Variants in SDK1 observed in about 807,000 individuals in gnomAD.
The protein encoded by SDK1 is sidekick cell adhesion molecule 1.
In SDK1, 157 loss-of-function variants were observed where a neutral mutation model predicts 245.5. The observed-to-expected ratio is 0.64, with a 90% CI of 0.56 to 0.73. The LOEUF is 0.73. Ranked by LOEUF, SDK1 falls within the 30% of genes least tolerant of loss-of-function variation. SDK1 has a pLI of 0.00. For missense variants in SDK1, 3,583 were observed against 3,002.3 expected, an observed-to-expected ratio of 1.19 and a Z score of -4.52; for synonymous variants, 1,647 against 1,278.5, an observed-to-expected ratio of 1.29 and a Z score of -6.15.
intron 4 of SDK1, among the ~76,000 whole-genome samples, chr7:3,785,100 G>A (rs1047555483): frequency 6.6e-6 from 1 of 152,140 alleles, no homozygotes; most frequent in African/African-American, 2.4e-5. Flanking sequence ...AAGAAGCCAG[G>A]CACAGAAAGA....
At chr7:4,159,955 G>A (rs1781008916) in intron 31 of SDK1, among the ~76,000 whole-genome samples, 1 of 152,138 alleles carries the variant, frequency 6.6e-6, no homozygotes, top group African/African-American at 2.4e-5. Context: ...AAAGTATGCG[G>A]GAGGATGTGT....
intron 5 of SDK1, among the ~76,000 whole-genome samples, chr7:3,842,806 A>G (rs145849563): frequency 1.3e-5 from 2 of 152,116 alleles, no homozygotes; most frequent in Admixed American, 6.5e-5. Flanking sequence ...AACCCAGGCT[A>G]GGGCAGAGCT....
chr7:3,888,429 T>A (rs1781385844), intron 5 of SDK1, among the ~76,000 whole-genome samples: 1 of 152,216 alleles, frequency 6.6e-6, no homozygotes. Flanking sequence ...CTTATGCTGT[T>A]ATTAGTCCTG....
At chr7:3,307,840 C>T (rs1583662961) in intron 1 of SDK1, among the ~76,000 whole-genome samples, 1 of 141,888 alleles carries the variant, frequency 7.0e-6, no homozygotes, top group Middle Eastern at 3.5e-3. Flanking sequence ...AGGGATTAGA[C>T]TAGATGTTCA....
intron 4 of SDK1, among the ~76,000 whole-genome samples, chr7:3,807,074 A>T (rs1038953479): frequency 2.0e-5 from 3 of 152,178 alleles, no homozygotes; most frequent in Non-Finnish European, 4.4e-5. Context: ...AATGTTAAAT[A>T]AAAAGGAATT....
At position 3,538,431 on chromosome 7, in the gene SDK1, C is replaced by G. The variant is rs192924090; in HGVS notation, c.299-80649C>G. Among the ~76,000 whole-genome samples, 55 of 152,062 alleles carry G rather than the reference C, an allele frequency of 3.6e-4. No homozygotes were observed. The East Asian group carries it at 7.5e-3, about 21-fold the overall frequency. ...TCATTAATTTTGCCTTTTAATGTATCCTCTTCACTCTGAGGCAAGTTCAGA... is the reference window on the plus strand; with the variant it reads ...TCATTAATTTTGCCTTTTAATGTATGCTCTTCACTCTGAGGCAAGTTCAGA... On this transcript the variant is annotated intron_variant, in intron 1 of 44. Coordinates refer to ENST00000404826, the MANE Select transcript of SDK1 (RefSeq NM_152744.4).
rs112735477 is a variant in SDK1 at position 3,762,063 on chromosome 7, A to T, written c.714-59387A>T. 6.8e-3 allele frequency among the ~76,000 whole-genome samples: 1,031 copies of T among 152,366 alleles called. 16 individuals are homozygous for T. Among genetic ancestry groups the T allele is most frequent in the African/African-American group, 0.023 (958 of 41,600 alleles). On this transcript the variant is annotated intron_variant, in intron 4 of 44. Coordinates refer to ENST00000404826, the MANE Select transcript of SDK1 (RefSeq NM_152744.4). ...ATATCTTTAACCACAGTTAGCTACA[A>T]ATTATTTATAGAGGTTAAATAAATG...
In SDK1 at chr7:3,984,758, A is replaced by G. The variant is rs192900719; in HGVS notation, c.1995-2428A>G. ...TCACGGCCTATCTCCCATCCTGACT[A>G]TTACAGATGGTCATCTGACATTGTG... On this transcript the variant is annotated intron_variant, in intron 13 of 44. Coordinates refer to ENST00000404826, the MANE Select transcript of SDK1 (RefSeq NM_152744.4). 3.4e-4 allele frequency among the ~76,000 whole-genome samples: 51 copies of G among 152,210 alleles called. No homozygotes were observed. The Middle Eastern group carries it at 0.01, about 30-fold the overall frequency.
At chr7:3,569,526 A>G (rs977491802) in intron 1 of SDK1, among the ~76,000 whole-genome samples, 7 of 152,376 alleles carry the variant, frequency 4.6e-5, no homozygotes, top group Middle Eastern at 6.8e-3. Context: ...CAGGCCTGGC[A>G]GTATTTGGAG....
chr7:3,756,567 A>C (rs977342836), intron 4 of SDK1, among the ~76,000 whole-genome samples: 1 of 149,326 alleles, frequency 6.7e-6, no homozygotes, highest in Non-Finnish European at 1.5e-5. Flanking sequence ...TTTTTTTTTT[A>C]AAGAAAATGC....
At chr7:3,313,167 G>A (rs1041443092) in intron 1 of SDK1, among the ~76,000 whole-genome samples, 2 of 152,184 alleles carry the variant, frequency 1.3e-5, no homozygotes, top group African/African-American at 4.8e-5. Context: ...CCAGCACTTT[G>A]GGAGGCCAAG....
At chr7:3,477,259 G>A (rs966115713) in intron 1 of SDK1, among the ~76,000 whole-genome samples, 6 of 135,364 alleles carry the variant, frequency 4.4e-5, no homozygotes, top group South Asian at 2.6e-4. Flanking sequence ...GCAGCGGCGC[G>A]ATCTTGGCTC....
intron 1 of SDK1, among the ~76,000 whole-genome samples, chr7:3,581,503 T>C (rs1780493797): frequency 6.6e-6 from 1 of 152,078 alleles, no homozygotes; most frequent in African/African-American, 2.4e-5. Flanking sequence ...ATAACAGATG[T>C]GGGCCAGGTT....
intron 5 of SDK1, among the ~76,000 whole-genome samples, chr7:3,873,511 C>A (rs1336424409): frequency 6.6e-6 from 1 of 152,068 alleles, no homozygotes; most frequent in Non-Finnish European, 1.5e-5. Flanking sequence ...AATCCTAGCC[C>A]ATTATTTTTT....
In SDK1 at chr7:3,301,835, G is replaced by T; in HGVS notation, c.249G>T (p.Trp83Cys). Residue 83 changes from tryptophan (W) to cysteine (C), a missense_variant, in exon 1 of 45, where the codon TGG becomes TGT. Trp to Cys is a radical substitution (Grantham distance 215). Transcript: ENST00000404826. Reference sequence around the variant, plus strand: ...AGTTGGGGCCGGGCCGCCGCGGCTGGTGGGCGCTGCTGGCGCTGCAGCTGC... The same window carrying T: ...AGTTGGGGCCGGGCCGCCGCGGCTGTTGGGCGCTGCTGGCGCTGCAGCTGC... ...AAKLGPGRRG[W>C]WALLALQLHL... The T allele has an allele frequency of 2.7e-6, 3 of 1,126,516 alleles. No homozygotes were observed. Among genetic ancestry groups the T allele is most frequent in the Middle Eastern group, 3.7e-4 (1 of 2,686 alleles). 69.8% of individuals were successfully genotyped at this position (1,126,516 alleles called of 1,614,324 possible).
intron 1 of SDK1, among the ~76,000 whole-genome samples, chr7:3,600,331 C>T (rs1200205246): frequency 6.6e-6 from 1 of 152,080 alleles, no homozygotes; most frequent in Non-Finnish European, 1.5e-5. Flanking sequence ...TGTTTAGCTT[C>T]TTTGGGATTT....
intron 5 of SDK1, among the ~76,000 whole-genome samples, chr7:3,903,905 C>T (rs1781877033): frequency 6.6e-6 from 1 of 152,090 alleles, no homozygotes; most frequent in Non-Finnish European, 1.5e-5. Flanking sequence ...GAGCCTTGCA[C>T]CTCCTAGACT....
At chr7:3,551,745 G>T (rs983014201) in intron 1 of SDK1, among the ~76,000 whole-genome samples, 1 of 152,002 alleles carries the variant, frequency 6.6e-6, no homozygotes, top group African/African-American at 2.4e-5. Context: ...GCACGATCAC[G>T]GCTCACCGCA....
intron 1 of SDK1, among the ~76,000 whole-genome samples, chr7:3,578,033 C>T (rs1470927917): frequency 2.6e-5 from 4 of 152,028 alleles, no homozygotes; most frequent in Admixed American, 2.0e-4. Context: ...TCTTTCTTTT[C>T]CTCCTTCCCT....
Sources: allele counts gnomAD v4.1 joint callset (sites outside exome capture counted in the v4.1 genomes callset), GRCh38; gene constraint gnomAD v4.1.1; transcripts MANE v1.5; gene names NCBI Gene and HGNC (gene_info 2026-07-23, HGNC 2026-07-21).